OR7E24: variants seen among roughly 807,000 people sequenced by gnomAD.
OR7E24 encodes the protein olfactory receptor 7E24.
For missense variants in OR7E24, 385 were observed against 410.3 expected, an observed-to-expected ratio of 0.94 and a Z score of 0.53; for synonymous variants, 130 against 157.5, an observed-to-expected ratio of 0.83 and a Z score of 1.31.
chr19:9,241,851 C>G, the OR7E24 span, among the ~76,000 whole-genome samples: 1 of 152,256 alleles, frequency 6.6e-6, no homozygotes, highest in East Asian at 1.9e-4. Flanking sequence ...CATTTTTACT[C>G]TTCCCAAAAC....
chr19:9,216,847 C>T, the OR7E24 span, among the ~76,000 whole-genome samples: 7,426 of 152,276 alleles, frequency 0.049, 631 homozygotes, highest in African/African-American at 0.17. Flanking sequence ...CCACCTTGGC[C>T]TCCCAATGTG....
chr19:9,248,950 T>C (rs2066137788), upstream of OR7E24, among the ~76,000 whole-genome samples: 1 of 152,208 alleles, frequency 6.6e-6, no homozygotes, highest in Admixed American at 6.5e-5. Flanking sequence ...AGGGGTGAGA[T>C]GTCTGTGTCT....
upstream of OR7E24, among the ~76,000 whole-genome samples, chr19:9,243,913 C>T (rs1005707177): frequency 6.6e-6 from 1 of 152,202 alleles, no homozygotes; most frequent in Non-Finnish European, 1.5e-5. Flanking sequence ...TCTCACCAGG[C>T]TGCCTCCTCC....
At chr19:9,241,721 G>C in the OR7E24 span, among the ~76,000 whole-genome samples, 1 of 152,144 alleles carries the variant, frequency 6.6e-6, no homozygotes, top group African/African-American at 2.4e-5. Flanking sequence ...CTGAGATTGC[G>C]CCATTGCATT....
the OR7E24 span, among the ~76,000 whole-genome samples, chr19:9,233,823 C>G: frequency 6.6e-6 from 1 of 152,116 alleles, no homozygotes; most frequent in Admixed American, 6.6e-5. Flanking sequence ...TTTAATTTCA[C>G]TCTTCAATCC....
the OR7E24 span, among the ~76,000 whole-genome samples, chr19:9,215,065 C>T: frequency 6.6e-6 from 1 of 152,144 alleles, no homozygotes; most frequent in Non-Finnish European, 1.5e-5. Context: ...CTCTCTTTGG[C>T]CGGGCATGGT....
the OR7E24 span, chr19:9,210,354 C>T: frequency 6.6e-6 from 1 of 152,244 alleles, no homozygotes; most frequent in Non-Finnish European, 1.5e-5. Flanking sequence ...TACCTACAAT[C>T]TCACCACTTT....
At chr19:9,248,222 G>GACATC (rs1196598710), upstream of OR7E24, among the ~76,000 whole-genome samples, 1 of 152,128 alleles carries the variant, frequency 6.6e-6, no homozygotes, top group Non-Finnish European at 1.5e-5. Flanking sequence ...CAGTCACCAT[G>GACATC]ACATCATGAA....
chr19:9,214,721 C>G, the OR7E24 span: 5 of 1,614,074 alleles, frequency 3.1e-6, no homozygotes, highest in South Asian at 4.4e-5. Context: ...GGTTCCCCAG[C>G]ACCGTGACCA....
chr19:9,238,665 A>G, the OR7E24 span, among the ~76,000 whole-genome samples: 6 of 152,120 alleles, frequency 3.9e-5, no homozygotes, highest in Non-Finnish European at 7.4e-5. Flanking sequence ...GTGTCTTTTG[A>G]CTATGATCTA....
the OR7E24 span, chr19:9,213,903 G>A: frequency 1.2e-6 from 2 of 1,612,120 alleles, no homozygotes; most frequent in South Asian, 1.1e-5. Context: ...GATTTGTCAT[G>A]GACAAGAGTC....
the OR7E24 span, among the ~76,000 whole-genome samples, chr19:9,221,340 C>CTTTTTTTTT: frequency 4.9e-5 from 4 of 81,180 alleles, 1 homozygote; most frequent in African/African-American, 1.5e-4. Flanking sequence ...GTCTTTTGCC[C>CTTTTTTTTT]TTTTTTTTTT....
chr19:9,229,465 G>A, the OR7E24 span, among the ~76,000 whole-genome samples: 2 of 151,872 alleles, frequency 1.3e-5, no homozygotes, highest in South Asian at 4.2e-4. Flanking sequence ...AACCTGGGAG[G>A]CAGAGGTTGC....
chr19:9,227,514 C>T, the OR7E24 span, among the ~76,000 whole-genome samples: 6 of 152,104 alleles, frequency 3.9e-5, no homozygotes, highest in Admixed American at 6.6e-5. Context: ...AGACTTGAGC[C>T]GCCATGCCTG....
chr19:9,218,171 A>C, the OR7E24 span, among the ~76,000 whole-genome samples: 1 of 152,252 alleles, frequency 6.6e-6, no homozygotes, highest in Middle Eastern at 3.2e-3. Flanking sequence ...GAAATGTTCT[A>C]TAAAGACTGG....
At chr19:9,245,792 G>A (rs113839033), upstream of OR7E24, among the ~76,000 whole-genome samples, 2 of 152,044 alleles carry the variant, frequency 1.3e-5, no homozygotes, top group African/African-American at 4.8e-5. Flanking sequence ...TCACGAAAAC[G>A]AGTTGACCTT....
chr19:9,214,522 T>C, the OR7E24 span: 4 of 1,613,970 alleles, frequency 2.5e-6, no homozygotes, highest in Non-Finnish European at 2.5e-6. Flanking sequence ...CCAGCAAACA[T>C]CATTAAAAAA....
At chr19:9,218,733 A>G in the OR7E24 span, among the ~76,000 whole-genome samples, 1 of 152,086 alleles carries the variant, frequency 6.6e-6, no homozygotes, top group Non-Finnish European at 1.5e-5. Flanking sequence ...GGTTCAAGCA[A>G]TTATCCCATC....
chr19:9,211,947 A>G, the OR7E24 span: 2 of 152,100 alleles, frequency 1.3e-5, no homozygotes, highest in Non-Finnish European at 2.9e-5. Flanking sequence ...GGTGGTGGGA[A>G]CTCAGAGGAC....
Sources: allele counts gnomAD v4.1 joint callset (sites outside exome capture counted in the v4.1 genomes callset), GRCh38; gene constraint gnomAD v4.1.1; transcripts MANE v1.5; gene names NCBI Gene and HGNC (gene_info 2026-07-23, HGNC 2026-07-21).